ANKRD17: variants seen among roughly 807,000 people sequenced by gnomAD.
The protein encoded by ANKRD17 is ankyrin repeat domain 17, also known as ankyrin repeat domain-containing protein 17.
ANKRD17 carries 19 observed loss-of-function variants against 229.7 expected under a neutral mutation model. That is an observed-to-expected ratio of 0.08 (90% CI 0.06 to 0.12). ANKRD17 has a LOEUF of 0.12. Ranked by LOEUF, ANKRD17 falls within the 10% of genes least tolerant of loss-of-function variation. The pLI is 1.00. For synonymous variants in ANKRD17, 1,112 were observed against 1,146.1 expected (o/e 0.97, Z 0.60); for missense variants, 2,176 against 3,176.8 (o/e 0.68, Z 7.57).
At chr4:73,184,528 CAAAAA>C (rs776930137) in intron 1 of ANKRD17, among the ~76,000 whole-genome samples, 2 of 29,974 alleles carry the variant, frequency 6.7e-5, no homozygotes, top group African/African-American at 1.3e-4. Flanking sequence ...GACTTCCTCT[CAAAAA>C]AAAAAAAAAA....
At chr4:73,116,001 A>G in intron 22 of ANKRD17, 85 bp from the exon 23 acceptor site, 1 of 1,106,318 alleles carries the variant, frequency 9.0e-7, no homozygotes, top group Non-Finnish European at 1.4e-6. Context: ...AACAGTTAAG[A>G]TTAGGGCCAC....
At chr4:73,116,783 G>C (rs903378395) in intron 22 of ANKRD17, among the ~76,000 whole-genome samples, 3 of 151,620 alleles carry the variant, frequency 2.0e-5, no homozygotes, top group Middle Eastern at 3.2e-3. Context: ...CATAGTATAT[G>C]TTATATATAC....
intron 1 of ANKRD17, among the ~76,000 whole-genome samples, chr4:73,242,065 T>C (rs1019274191): frequency 4.6e-5 from 7 of 152,134 alleles, no homozygotes; most frequent in Admixed American, 3.3e-4. Context: ...GCACTTCCAT[T>C]AAAAATAAGA....
At chr4:73,089,984 A>AT (rs1309196248) in intron 29 of ANKRD17, among the ~76,000 whole-genome samples, 2 of 152,210 alleles carry the variant, frequency 1.3e-5, no homozygotes, top group Non-Finnish European at 2.9e-5. Flanking sequence ...TTTTAAAATT[A>AT]TTTTAGAAAT....
chr4:73,190,331 T>G (rs1002560726), intron 1 of ANKRD17, among the ~76,000 whole-genome samples: 3 of 152,050 alleles, frequency 2.0e-5, no homozygotes, highest in Non-Finnish European at 4.4e-5. Flanking sequence ...ATTGCGCCAC[T>G]GCACCCCAGC....
intron 1 of ANKRD17, among the ~76,000 whole-genome samples, chr4:73,201,448 AG>A (rs1329391473): frequency 3.3e-5 from 5 of 152,206 alleles, no homozygotes; most frequent in Middle Eastern, 3.4e-3. Context: ...TTAATAAAAT[AG>A]AAAAAAAAAC....
chr4:73,145,502 GA>G (rs1185237170), intron 10 of ANKRD17, among the ~76,000 whole-genome samples: 10 of 152,020 alleles, frequency 6.6e-5, no homozygotes, highest in African/African-American at 2.4e-4. Context: ...AAAGATTTGA[GA>G]AAAAGTATCT....
Position 73,077,246 on chromosome 4 carries a change from C to A in ANKRD17, c.7587+109G>T, listed in dbSNP as rs1005632744. 8 of 1,304,588 alleles carry A rather than the reference C, an allele frequency of 6.1e-6. No individual in the cohort carries two copies. In the African/African-American group the frequency reaches 1.2e-4, roughly 20 times the overall value. 80.8% of individuals were successfully genotyped at this position (1,304,588 alleles called of 1,614,324 possible). On this transcript the variant is annotated intron_variant, in intron 32 of 33. Coordinates refer to ENST00000358602, the MANE Select transcript of ANKRD17 (RefSeq NM_032217.5). ...TATCTAAGAAATCTAAAAATTATTA[C>A]CCATTATATAACTTATTTTAACATT...
At chr4:73,113,711 A>T in intron 24 of ANKRD17, 81 bp downstream of exon 24, 1 of 1,128,602 alleles carries the variant, frequency 8.9e-7, no homozygotes, top group Non-Finnish European at 1.3e-6. Context: ...AAACAAAACA[A>T]AAAGACGGAT....
At chr4:73,213,053 A>G (rs1321018027) in intron 1 of ANKRD17, among the ~76,000 whole-genome samples, 4 of 151,482 alleles carry the variant, frequency 2.6e-5, no homozygotes, top group Middle Eastern at 6.8e-3. Context: ...AAAAAGAAAT[A>G]TAAGAATTTA....
chr4:73,155,524 T>C, intron 5 of ANKRD17, 107 bp downstream of exon 5: 1 of 1,246,352 alleles, frequency 8.0e-7, no homozygotes, highest in South Asian at 1.4e-5. Flanking sequence ...ATGTAGCACT[T>C]CTAATAAGAG....
chr4:73,147,023 G>A, intron 9 of ANKRD17, 150 bp from the exon 10 acceptor site: 1 of 783,570 alleles, frequency 1.3e-6, no homozygotes, highest in African/African-American at 1.8e-5. Flanking sequence ...AATATTGTAG[G>A]CATTAAAAAA....
In ANKRD17 at chr4:73,140,215, T is replaced by A; in HGVS notation, c.2401A>T (p.Asn801Tyr). The change falls in exon 15 of 34, where the codon AAT becomes TAT. Residue 801 changes from asparagine to tyrosine, a missense_variant. By Grantham distance (143) the Asn-to-Tyr change is moderately radical (BLOSUM62 -2). This residue lies in a region of ANKRD17 where 275 missense variants were observed against 386.9 expected (regional missense o/e 0.71). Coordinates refer to ENST00000358602, the MANE Select transcript of ANKRD17 (RefSeq NM_032217.5). ...TCTACAATGCTCTCTGGAGACTGAT[T>A]GGTGATGTAACCCTGTACATCCTGG... The part of the protein sequence containing the change: ...NSQDVQGYIT[N>Y]QSPESIVEEA... 6.2e-7 allele frequency: 1 copy of A among 1,613,744 alleles called. No individual in the cohort carries two copies.
chr4:73,249,516 CCTTAT>C (rs1744793342), intron 1 of ANKRD17, among the ~76,000 whole-genome samples: 1 of 152,178 alleles, frequency 6.6e-6, no homozygotes, highest in Non-Finnish European at 1.5e-5. Flanking sequence ...ATTTTCTCTA[CCTTAT>C]AAGTCAGTTT....
intron 1 of ANKRD17, among the ~76,000 whole-genome samples, chr4:73,184,544 A>G (rs1240644286): frequency 6.6e-6 from 1 of 150,568 alleles, no homozygotes; most frequent in Non-Finnish European, 1.5e-5. Context: ...AAAAAAAAAA[A>G]AAAAAAAAAG....
intron 30 of ANKRD17, among the ~76,000 whole-genome samples, chr4:73,081,982 C>T (rs937524181): frequency 5.3e-5 from 8 of 150,874 alleles, no homozygotes; most frequent in Admixed American, 3.3e-4. Context: ...CTCATCTCTA[C>T]AAAAAAAAAT....
chr4:73,102,543 C>T lies in ANKRD17; in HGVS notation c.4406G>A (p.Arg1469Lys). 6.3e-7 allele frequency: 1 copy of T among 1,594,788 alleles called. No homozygotes were observed. The highest frequency in any genetic ancestry group is 8.5e-7 in the Non-Finnish European group (1 of 1,176,078). The change falls in exon 25 of 34, where the codon AGG (arginine) becomes AAG (lysine). Residue 1469 changes from arginine to lysine, a missense_variant. By Grantham distance (26) the Arg-to-Lys change is conservative (BLOSUM62 2). Coordinates refer to ENST00000358602, the MANE Select transcript of ANKRD17 (RefSeq NM_032217.5). Reference protein sequence around the residue: ...LLEELDLEKLREESRRLALAA... With the variant: ...LLEELDLEKLKEESRRLALAA... ...CAAAGCCAGCCTCCGACTTTCTTCC[C>T]TTAACTGTTAAAGATCAATAAAGCA...
At chr4:73,144,416 C>G (rs1729984296) in intron 11 of ANKRD17, among the ~76,000 whole-genome samples, 1 of 152,102 alleles carries the variant, frequency 6.6e-6, no homozygotes, top group Non-Finnish European at 1.5e-5. Context: ...GCAGAAACAT[C>G]ATAAAATTCC....
At chr4:73,191,128 G>C (rs1387372792) in intron 1 of ANKRD17, among the ~76,000 whole-genome samples, 1 of 152,088 alleles carries the variant, frequency 6.6e-6, no homozygotes, top group African/African-American at 2.4e-5. Flanking sequence ...AAAAGACAAT[G>C]GGGAGGGATG....
Sources: allele counts gnomAD v4.1 joint callset (sites outside exome capture counted in the v4.1 genomes callset), GRCh38; gene constraint gnomAD v4.1.1; regional missense constraint gnomAD v4.1.1; transcripts MANE v1.5; gene names NCBI Gene and HGNC (gene_info 2026-07-23, HGNC 2026-07-21).